The following ACSS3 variants were observed in gnomAD, a reference collection of about 807,000 sequenced individuals.
ACSS3 encodes the protein acyl-CoA synthetase short chain family member 3, also known as acyl-CoA synthetase short-chain family member 3, mitochondrial.
In ACSS3, 64 loss-of-function variants were observed where a neutral mutation model predicts 84.2. The observed-to-expected ratio is 0.76, with a 90% confidence interval of 0.62 to 0.94. The LOEUF is 0.94. ACSS3 is among the 40% of genes least tolerant of loss of function. ACSS3 has a pLI of 0.00. For missense variants in ACSS3, 815 were observed against 867.6 expected, an observed-to-expected ratio of 0.94 and a Z score of 0.76; for synonymous variants, 317 against 310.1, an observed-to-expected ratio of 1.02 and a Z score of -0.23.
intron 9 of ACSS3, among the ~76,000 whole-genome samples, chr12:81,200,889 C>CAAAAAAAAAA (rs35916130): frequency 3.5e-5 from 2 of 56,462 alleles, no homozygotes; most frequent in Non-Finnish European, 7.7e-5. Flanking sequence ...GCAAGACTGT[C>CAAAAAAAAAA]AAAAAAAAAA....
intron 1 of ACSS3, among the ~76,000 whole-genome samples, chr12:81,090,536 C>G (rs575186640): frequency 6.6e-6 from 1 of 152,102 alleles, no homozygotes; most frequent in Non-Finnish European, 1.5e-5. Flanking sequence ...AATCCATCTC[C>G]TAAATCTGAT....
intron 5 of ACSS3, among the ~76,000 whole-genome samples, chr12:81,146,899 CA>C (rs765751436): frequency 1.1e-4 from 17 of 151,458 alleles, no homozygotes; most frequent in African/African-American, 2.2e-4. Flanking sequence ...CAAAAGAGAA[CA>C]GGGGGAAAGA....
rs1886174068 is a variant in ACSS3 at position 81,143,141 on chromosome 12, A to G, written c.815A>G (p.Asp272Gly). 6.2e-7 allele frequency: 1 copy of G among 1,613,414 alleles called. No individual in the cohort carries two copies. Among genetic ancestry groups the G allele is most frequent in the Non-Finnish European group, 8.5e-7 (1 of 1,179,640 alleles). The change falls in exon 5 of 16, where the codon GAT (aspartate) becomes GGT (glycine). Residue 272 changes from aspartate (D) to glycine (G), a missense_variant. By Grantham distance (94) the Asp-to-Gly change is moderately conservative. Transcript: ENST00000548058. Reference protein sequence around the residue: ...AVPLAPGRDLDWDEEMAKAQS... With the variant: ...AVPLAPGRDLGWDEEMAKAQS... ...CCTTTGGCTCCCGGTCGTGACCTTG[A>G]TTGGGATGAAGAGATGGCAAAAGCC...
At chr12:81,167,187 A>C (rs1887442183) in intron 7 of ACSS3, among the ~76,000 whole-genome samples, 1 of 152,230 alleles carries the variant, frequency 6.6e-6, no homozygotes, top group Non-Finnish European at 1.5e-5. Context: ...ATACTTCCAA[A>C]GGTAAACTTT....
intron 13 of ACSS3, among the ~76,000 whole-genome samples, chr12:81,252,630 G>A (rs1031998158): frequency 9.2e-5 from 14 of 151,934 alleles, no homozygotes; most frequent in South Asian, 2.1e-4. Context: ...AACCCTAAGC[G>A]TCTGTATTTT....
At chr12:81,112,714 G>C (rs1883707599) in intron 2 of ACSS3, among the ~76,000 whole-genome samples, 1 of 152,156 alleles carries the variant, frequency 6.6e-6, no homozygotes, top group South Asian at 2.1e-4. Context: ...AGAAGACAGA[G>C]AAAGAAAGAT....
chr12:81,114,615 C>T (rs186987529), intron 2 of ACSS3, among the ~76,000 whole-genome samples: 1 of 152,040 alleles, frequency 6.6e-6, no homozygotes, highest in African/African-American at 2.4e-5. Flanking sequence ...ACAATAAAAC[C>T]TTCATTTATA....
At chr12:81,108,735 T>C (rs531417979) in intron 1 of ACSS3, among the ~76,000 whole-genome samples, 1 of 152,326 alleles carries the variant, frequency 6.6e-6, no homozygotes, top group East Asian at 1.9e-4. Flanking sequence ...CCTGTTATTT[T>C]GCATTGTTAC....
chr12:81,119,107 T>A (rs1433641559), intron 2 of ACSS3, among the ~76,000 whole-genome samples: 1 of 152,042 alleles, frequency 6.6e-6, no homozygotes, highest in Non-Finnish European at 1.5e-5. Context: ...GGGGGTGACA[T>A]CACATAGCGG....
At chr12:81,172,259 CAAA>C (rs775755412) in intron 7 of ACSS3, among the ~76,000 whole-genome samples, 2 of 56,960 alleles carry the variant, frequency 3.5e-5, no homozygotes, top group Non-Finnish European at 6.3e-5. Flanking sequence ...GGCTCTGTCT[CAAA>C]AAAAAAAAAA....
At chr12:81,237,812 C>T (rs919889633) in intron 13 of ACSS3, among the ~76,000 whole-genome samples, 6 of 151,738 alleles carry the variant, frequency 4.0e-5, no homozygotes, top group African/African-American at 1.4e-4. Context: ...GTCTGTATAC[C>T]TTTTATATTC....
At chr12:81,176,991 G>A (rs546034515) in intron 8 of ACSS3, among the ~76,000 whole-genome samples, 1 of 152,088 alleles carries the variant, frequency 6.6e-6, no homozygotes, top group African/African-American at 2.4e-5. Context: ...CTTTACTCCT[G>A]GAATGCAAGG....
Position 81,128,875 on chromosome 12 carries a change from T to C in ACSS3, c.457-5941T>C, listed in dbSNP as rs371559760. Among the ~76,000 whole-genome samples the C allele has an allele frequency of 7.2e-5, 11 of 152,328 alleles. No homozygotes were observed. In the East Asian group the frequency reaches 7.7e-4, roughly 11 times the overall value. On this transcript the variant is annotated intron_variant, in intron 2 of 15. Coordinates refer to ENST00000548058, the MANE Select transcript of ACSS3 (RefSeq NM_024560.4). ...AATGCCTTCTGTTTTGGAGTTCCAATAATACTTTATTTGAGTGATTATGAA... is the reference window on the plus strand; with the variant it reads ...AATGCCTTCTGTTTTGGAGTTCCAACAATACTTTATTTGAGTGATTATGAA...
chr12:81,203,878 C>T (rs539764080), intron 9 of ACSS3, among the ~76,000 whole-genome samples: 41 of 152,154 alleles, frequency 2.7e-4, no homozygotes, highest in Non-Finnish European at 5.0e-4. Flanking sequence ...CTGAACTTTT[C>T]GTTTTATTTT....
chr12:81,132,517 CTT>C lies in ACSS3; in HGVS notation c.457-2296_457-2295del, dbSNP rs374334143. On this transcript the variant is annotated intron_variant, in intron 2 of 15. Coordinates refer to ENST00000548058, the MANE Select transcript of ACSS3 (RefSeq NM_024560.4). Reference sequence around the variant, plus strand: ...TATTGCGTCTATTTGATTCTTCTCTCTTTTCTTCTTTATTAGTCTTGCTAGCA... The same window carrying C: ...TATTGCGTCTATTTGATTCTTCTCTCTTCTTCTTTATTAGTCTTGCTAGCA... Among the ~76,000 whole-genome samples, 45 of 152,180 alleles carry C rather than the reference CTT, an allele frequency of 3.0e-4. 1 individual carries two copies. Among genetic ancestry groups the C allele is most frequent in the African/African-American group, 1.1e-3 (45 of 41,534 alleles).
At chr12:81,223,786 A>G (rs11114795) in intron 11 of ACSS3, among the ~76,000 whole-genome samples, 27,155 of 152,000 alleles carry the variant, frequency 0.18, 2,617 homozygotes, top group Middle Eastern at 0.22. Context: ...GATTTAACCC[A>G]GATCTCTCTA....
At chr12:81,123,466 T>C (rs1421521051) in intron 2 of ACSS3, among the ~76,000 whole-genome samples, 2 of 152,322 alleles carry the variant, frequency 1.3e-5, no homozygotes, top group South Asian at 2.1e-4. Flanking sequence ...ACAATACCTA[T>C]TTAAATACCA....
chr12:81,199,851 C>T, intron 9 of ACSS3: 3 of 410,392 alleles, frequency 7.3e-6, no homozygotes, highest in South Asian at 6.2e-5. Flanking sequence ...CATCTCTATT[C>T]TCTCTGCTTT....
chr12:81,159,170 A>G (rs552578348), intron 7 of ACSS3, among the ~76,000 whole-genome samples: 7 of 152,164 alleles, frequency 4.6e-5, no homozygotes, highest in Non-Finnish European at 8.8e-5. Context: ...ATTTACTTTT[A>G]TCAGTGGAAT....
Sources: gnomAD v4.1 joint callset for allele counts (sites outside exome capture counted in the v4.1 genomes callset) on GRCh38, gnomAD v4.1.1 for gene constraint, MANE v1.5 for transcripts, NCBI Gene and HGNC (gene_info 2026-07-23, HGNC 2026-07-21) for gene names.